MAGI2: variants seen among roughly 807,000 people sequenced by gnomAD.
MAGI2 encodes membrane associated guanylate kinase, WW and PDZ domain containing 2.
A neutral mutation model predicts 133.3 loss-of-function variants in MAGI2; 35 were observed. The ratio of observed to expected loss-of-function variants is 0.26; its 90% CI spans 0.20 to 0.35. The LOEUF is 0.35. Among genes scored for constraint, MAGI2 ranks in the 10% least tolerant of loss-of-function variants. MAGI2 has a pLI of 1.00. For synonymous variants in MAGI2, 729 were observed against 710.6 expected (o/e 1.03, Z -0.41); for missense variants, 1,636 against 1,863.4 (o/e 0.88, Z 2.25).
At chr7:78,649,247 A>AAAAAAAAAAAAAAAAAAAAAAAAAG (rs1417040877) in intron 2 of MAGI2, among the ~76,000 whole-genome samples, 2 of 149,054 alleles carry the variant, frequency 1.3e-5, no homozygotes, top group African/African-American at 2.5e-5. Flanking sequence ...AAAAAAAAAG[A>AAAAAAAAAAAAAAAAAAAAAAAAAG]AAAAAAGTAA....
intron 7 of MAGI2, among the ~76,000 whole-genome samples, chr7:78,349,620 C>T (rs917811517): frequency 3.9e-5 from 6 of 152,042 alleles, no homozygotes; most frequent in Admixed American, 6.6e-5. Flanking sequence ...ATGAGAATAC[C>T]AATGAGCTAG....
At chr7:79,053,484 A>G (rs1812866435) in intron 1 of MAGI2, among the ~76,000 whole-genome samples, 1 of 152,194 alleles carries the variant, frequency 6.6e-6, no homozygotes, top group Non-Finnish European at 1.5e-5. Context: ...TGTCCATGTC[A>G]CTAGTAGTAA....
rs114341181 is a variant in MAGI2 at position 78,850,738 on chromosome 7, T to C, written c.418+156352A>G. On this transcript the variant is annotated intron_variant, in intron 2 of 21. Transcript: ENST00000354212. ...AGTCCCTGTCTCTGACTTATTTGTTTAAAGCAGTCTGTGCTACAAAGTCTT... is the reference window on the plus strand; with the variant it reads ...AGTCCCTGTCTCTGACTTATTTGTTCAAAGCAGTCTGTGCTACAAAGTCTT... 2.1e-3 allele frequency among the ~76,000 whole-genome samples: 325 copies of C among 152,184 alleles called. 4 individuals are homozygous for C. Among genetic ancestry groups the C allele is most frequent in the African/African-American group, 7.5e-3 (312 of 41,548 alleles).
At chr7:78,489,113 A>G (rs1398112053) in intron 6 of MAGI2, among the ~76,000 whole-genome samples, 1 of 152,102 alleles carries the variant, frequency 6.6e-6, no homozygotes, top group Non-Finnish European at 1.5e-5. Flanking sequence ...ATCATCAGTA[A>G]CAGACTTCAC....
At chr7:78,819,607 G>C (rs913192405) in intron 2 of MAGI2, among the ~76,000 whole-genome samples, 7 of 152,012 alleles carry the variant, frequency 4.6e-5, no homozygotes, top group Non-Finnish European at 8.8e-5. Context: ...ATTAGAGAGA[G>C]ACAGAGGGGA....
intron 2 of MAGI2, among the ~76,000 whole-genome samples, chr7:78,892,210 C>G (rs1021214342): frequency 1.2e-4 from 18 of 152,150 alleles, no homozygotes; most frequent in Non-Finnish European, 4.4e-5. Context: ...CTACAAACCA[C>G]TGCTCAACGA....
intron 6 of MAGI2, among the ~76,000 whole-genome samples, chr7:78,425,580 G>T (rs989619404): frequency 1.3e-5 from 2 of 152,152 alleles, no homozygotes; most frequent in Non-Finnish European, 2.9e-5. Context: ...TGATATATAG[G>T]GTGAGACTGT....
At chr7:78,243,623 T>TA (rs889460078) in intron 10 of MAGI2, among the ~76,000 whole-genome samples, 223 of 151,938 alleles carry the variant, frequency 1.5e-3, no homozygotes, top group African/African-American at 5.0e-3. Context: ...TCTTTGAATG[T>TA]AAAAAAAAGA....
At chr7:78,356,682 C>T (rs542851514) in intron 7 of MAGI2, among the ~76,000 whole-genome samples, 148 of 152,260 alleles carry the variant, frequency 9.7e-4, no homozygotes, top group Non-Finnish European at 1.5e-3. Flanking sequence ...GAACCTTGAG[C>T]GCTGGTGGGA....
chr7:78,256,259 C>T lies in MAGI2; in HGVS notation c.1731G>A (p.Gln577=). ...HSLHSMPTDG[Q]LDGTYPPPVH... ...CGGGCGGTGGATACGTGCCGTCTAG[C>T]TGACCATCAGTTGGCATGGAGTGCA... is the stretch of plus-strand genomic sequence containing the variant. The change falls in exon 10 of 22, where the codon CAG becomes CAA. Residue 577 remains glutamine, a synonymous_variant. Coordinates refer to ENST00000354212, the MANE Select transcript of MAGI2 (RefSeq NM_012301.4). 6.2e-7 allele frequency: 1 copy of T among 1,614,038 alleles called. No homozygotes were observed. Among genetic ancestry groups the T allele is most frequent in the Non-Finnish European group, 8.5e-7 (1 of 1,179,988 alleles).
At chr7:78,035,519 A>G (rs1584901977) in intron 21 of MAGI2, among the ~76,000 whole-genome samples, 2 of 152,020 alleles carry the variant, frequency 1.3e-5, no homozygotes, top group African/African-American at 4.8e-5. Context: ...CTTTCCCTTA[A>G]TCTCTCTATA....
Position 79,011,777 on chromosome 7 carries a change from T to C in MAGI2, c.302-4571A>G, listed in dbSNP as rs571905096. Among the ~76,000 whole-genome samples the C allele has an allele frequency of 7.9e-5, 12 of 152,292 alleles. No homozygotes were observed. The South Asian group carries it at 1.9e-3, about 24-fold the overall frequency. On this transcript the variant is annotated intron_variant, in intron 1 of 21. Coordinates refer to ENST00000354212, the MANE Select transcript of MAGI2 (RefSeq NM_012301.4). ...TGTTTTTCAATCACACTCAACAAAATACTGTGGTGAATATTTAATTTTAGT... is the reference window on the plus strand; with the variant it reads ...TGTTTTTCAATCACACTCAACAAAACACTGTGGTGAATATTTAATTTTAGT...
At chr7:78,536,769 T>C (rs1415351228) in intron 3 of MAGI2, among the ~76,000 whole-genome samples, 13 of 150,738 alleles carry the variant, frequency 8.6e-5, no homozygotes, top group Non-Finnish European at 1.2e-4. Context: ...GTTTTTTTTT[T>C]TTTTTTCTGG....
intron 6 of MAGI2, among the ~76,000 whole-genome samples, chr7:78,378,731 A>G (rs1794668814): frequency 6.6e-6 from 1 of 152,156 alleles, no homozygotes; most frequent in Middle Eastern, 3.4e-3. Context: ...TAATTAAACC[A>G]AGCTACTTCG....
At chr7:78,873,913 A>G (rs761319783) in intron 2 of MAGI2, among the ~76,000 whole-genome samples, 7 of 152,134 alleles carry the variant, frequency 4.6e-5, no homozygotes, top group African/African-American at 1.4e-4. Flanking sequence ...GATGTAGAAA[A>G]GAAAAAAAAA....
chr7:78,762,556 G>A (rs994248597), intron 2 of MAGI2, among the ~76,000 whole-genome samples: 1 of 151,988 alleles, frequency 6.6e-6, no homozygotes, highest in African/African-American at 2.4e-5. Flanking sequence ...TCTTCCTTTC[G>A]CTATGTGAAC....
intron 14 of MAGI2, among the ~76,000 whole-genome samples, chr7:78,173,776 ACAG>A (rs1479565030): frequency 1.3e-5 from 2 of 152,070 alleles, no homozygotes; most frequent in Non-Finnish European, 2.9e-5. Flanking sequence ...AATCTCAAAG[ACAG>A]TAGCTTTAAA....
At position 78,152,246 on chromosome 7, in the gene MAGI2, G is replaced by A. The variant is rs141565738; in HGVS notation, c.2845+7779C>T. 3.5e-4 allele frequency among the ~76,000 whole-genome samples: 53 copies of A among 152,254 alleles called. No homozygotes were observed. The East Asian group carries it at 6.4e-3, about 18-fold the overall frequency. On this transcript the variant is annotated intron_variant, in intron 16 of 21. Coordinates refer to ENST00000354212, the MANE Select transcript of MAGI2 (RefSeq NM_012301.4). ...AGAAACCTTCATACAAAATATTATT[G>A]CATAAGAGAAGCATACCAAGTGACA...
At chr7:78,858,255 A>T (rs1793832557) in intron 2 of MAGI2, among the ~76,000 whole-genome samples, 1 of 152,038 alleles carries the variant, frequency 6.6e-6, no homozygotes, top group South Asian at 2.1e-4. Context: ...TATCTCCTTC[A>T]GTTCTGCTCT....
Sources: allele counts gnomAD v4.1 joint callset (sites outside exome capture counted in the v4.1 genomes callset), GRCh38; gene constraint gnomAD v4.1.1; transcripts MANE v1.5; gene names NCBI Gene and HGNC (gene_info 2026-07-23, HGNC 2026-07-21).